The following NPHP3 variants were observed in gnomAD, a reference collection of about 807,000 sequenced individuals.
NPHP3 encodes the protein nephrocystin-3.
Under a neutral mutation model 171.9 loss-of-function variants are expected in NPHP3, and 123 were observed. The observed-to-expected ratio is 0.72, with a 90% CI of 0.62 to 0.83. The LOEUF (loss-of-function observed/expected upper bound fraction) is 0.83. Among genes scored for constraint, NPHP3 ranks in the 40% least tolerant of loss-of-function variants. NPHP3 has a pLI of 0.00. For missense variants in NPHP3, 1,506 were observed against 1,591.9 expected, an observed-to-expected ratio of 0.95 and a Z score of 0.92; for synonymous variants, 558 against 579.2, an observed-to-expected ratio of 0.96 and a Z score of 0.52.
chr3:132,685,473 A>G (rs1360039840), intron 23 of NPHP3: 1 of 152,200 alleles, frequency 6.6e-6, no homozygotes, highest in Non-Finnish European at 1.5e-5. Flanking sequence ...AAGTTTCTGT[A>G]AGTGGGCTAC....
chr3:132,721,966 C>A lies in NPHP3; in HGVS notation c.390G>T (p.Leu130=). The A allele has an allele frequency of 6.2e-7, 1 of 1,612,616 alleles. No individual in the cohort carries two copies. ...DTENKRLRAE[L]QALQKTYQKI... is the part of the protein sequence containing the mutation. ...TCGCGGCCCAGCCCGGCGTTACCTG[C>A]AGTTCGGCCCGCAGCCGCTTGTTCT... is the stretch of plus-strand genomic sequence containing the variant. Residue 130 remains leucine (L), a synonymous_variant, in exon 1 of 27, where the codon CTG becomes CTT. Transcript: ENST00000337331.
chr3:132,687,145 C>T lies in NPHP3; in HGVS notation c.3201+6G>A. On this transcript the variant is annotated splice_donor_region_variant and intron_variant, in intron 22 of 26. Transcript: ENST00000337331. ...AAAACACAACACAAAAGAAATCTCTCCTTACCAAGTTGCCTTTTTTCTTTA... is the reference window on the plus strand; with the variant it reads ...AAAACACAACACAAAAGAAATCTCTTCTTACCAAGTTGCCTTTTTTCTTTA... The T allele has an allele frequency of 7.3e-7, 1 of 1,374,640 alleles. No homozygotes were observed. The highest frequency in any genetic ancestry group is 1.7e-5 in the Admixed American group (1 of 59,350). 85.2% of individuals were successfully genotyped at this position (1,374,640 alleles called of 1,614,324 possible). A position where few individuals can be genotyped will look rare whatever the true frequency, so the allele number is the denominator to read the frequency against.
chr3:132,706,436 T>C (rs1209187242), intron 7 of NPHP3, among the ~76,000 whole-genome samples: 1 of 151,918 alleles, frequency 6.6e-6, no homozygotes. Flanking sequence ...TTTTCTCTTA[T>C]GTATTTCCAT....
chr3:132,716,912 G>A lies in NPHP3; in HGVS notation c.671-3C>T. 6.2e-7 allele frequency: 1 copy of A among 1,613,494 alleles called. No homozygotes were observed. The highest frequency in any genetic ancestry group is 8.5e-7 in the Non-Finnish European group (1 of 1,180,006). ...ATATTCACATTGGGTTCCAGCAGCT[G>A]TTCAGCAAGAGATTTTTATCTTGTG... On this transcript the variant is annotated splice_polypyrimidine_tract_variant and splice_region_variant and intron_variant, in intron 3 of 26. Transcript: ENST00000337331.
Position 132,687,159 on chromosome 3 carries a change from C to T in NPHP3, c.3193G>A (p.Gly1065Ser). 1 of 1,460,288 alleles carries T rather than the reference C, an allele frequency of 6.8e-7. No individual in the cohort carries two copies. The highest frequency in any genetic ancestry group is 2.3e-5 in the East Asian group (1 of 43,906). The allele number at this position is 1,460,288 out of a possible 1,614,324, so 90.5% of individuals were successfully genotyped here. A position where few individuals can be genotyped will look rare whatever the true frequency, so the allele number is the denominator to read the frequency against. ...KIHQKAIKKK[G>S]NLYGFALLRR... ...AAGAAATCTCTCCTTACCAAGTTGC[C>T]TTTTTTCTTTATAGCTTTCTGATGA... The change falls in exon 22 of 27, where the codon GGC becomes AGC. Residue 1065 changes from glycine to serine, a missense_variant. Transcript: ENST00000337331.
chr3:132,682,642 T>A, intron 26 of NPHP3, 61 bp downstream of exon 26: 1 of 1,011,364 alleles, frequency 9.9e-7, no homozygotes, highest in Non-Finnish European at 1.6e-6. Flanking sequence ...TTTGTGCTAT[T>A]CTAAGACAAA....
Position 132,682,490 on chromosome 3 carries a change from C to T in NPHP3, c.3812+213G>A, listed in dbSNP as rs988506534. 5 of 586,694 alleles carry T rather than the reference C, an allele frequency of 8.5e-6. No individual in the cohort carries two copies. In the Admixed American group the frequency reaches 1.5e-4, roughly 18 times the overall value. The allele number at this position is 586,694 out of a possible 1,614,324, so 36.3% of individuals were successfully genotyped here. A position where few individuals can be genotyped will look rare whatever the true frequency, so the allele number is the denominator to read the frequency against. ...GTATAAACCATCCTTCACTGTTTGC[C>T]ATGATGCATACATATGCTCCTCTGC... On this transcript the variant is annotated intron_variant, in intron 26 of 26. Coordinates refer to ENST00000337331, the MANE Select transcript of NPHP3 (RefSeq NM_153240.5).
chr3:132,705,318 T>C (rs1310351610), intron 8 of NPHP3, among the ~76,000 whole-genome samples: 1 of 152,138 alleles, frequency 6.6e-6, no homozygotes, highest in East Asian at 1.9e-4. Flanking sequence ...CTGGTCCATG[T>C]TCTCACCCCC....
At chr3:132,705,884 T>C in intron 7 of NPHP3, 70 bp from the exon 8 acceptor site, 1 of 800,076 alleles carries the variant, frequency 1.2e-6, no homozygotes, top group South Asian at 1.4e-5. Flanking sequence ...TAAATACTTT[T>C]ATACTGCTTA....
chr3:132,712,750 A>G (rs1939948023), intron 6 of NPHP3, among the ~76,000 whole-genome samples: 1 of 151,898 alleles, frequency 6.6e-6, no homozygotes, highest in Non-Finnish European at 1.5e-5. Context: ...TGGACGACAG[A>G]GCAAGACTCT....
chr3:132,716,620 A>G (rs951655990), intron 4 of NPHP3, 137 bp downstream of exon 4: 6 of 925,280 alleles, frequency 6.5e-6, no homozygotes, highest in Non-Finnish European at 1.0e-5. Flanking sequence ...GCCCCACTGT[A>G]TGATGGTTTG....
At chr3:132,717,552 T>C (rs1940086662) in intron 3 of NPHP3, among the ~76,000 whole-genome samples, 2 of 152,132 alleles carry the variant, frequency 1.3e-5, no homozygotes, top group Admixed American at 1.3e-4. Context: ...ATGGGTGACA[T>C]TCCCCCTCAA....
chr3:132,706,670 A>T (rs1186612182), intron 7 of NPHP3, among the ~76,000 whole-genome samples: 1 of 152,224 alleles, frequency 6.6e-6, no homozygotes, highest in Non-Finnish European at 1.5e-5. Flanking sequence ...GTGAACAAGC[A>T]TGGAGATTTA....
chr3:132,721,708 G>C, intron 1 of NPHP3: 1 of 674,194 alleles, frequency 1.5e-6, no homozygotes, highest in Non-Finnish European at 2.7e-6. Flanking sequence ...AGGCCGAGGC[G>C]GGAGGATCAT....
Position 132,716,804 on chromosome 3 carries a change from G to A in NPHP3, c.776C>T (p.Ala259Val). 1 of 1,614,124 alleles carries A rather than the reference G, an allele frequency of 6.2e-7. No homozygotes were observed. Among genetic ancestry groups the A allele is most frequent in the South Asian group, 1.1e-5 (1 of 91,080 alleles). ...LQQSFRGPEF[A>V]HSSIDVEGPF... ...TCCTTCCACATCTATAGAACTATGG[G>A]CAAACTCAGGGCCTCTGAAGGACTG... is the stretch of plus-strand genomic sequence containing the variant. Residue 259 changes from alanine to valine, a missense_variant, in exon 4 of 27, where the codon GCC becomes GTC. Ala to Val is a moderately conservative substitution (Grantham distance 64). Around this residue, in one of 3 missense-constraint regions of NPHP3, gnomAD observed 930 missense variants for 924.9 expected, o/e 1.01. Coordinates refer to ENST00000337331, the MANE Select transcript of NPHP3 (RefSeq NM_153240.5).
chr3:132,682,969 G>C lies in NPHP3; in HGVS notation c.3697-151C>G, dbSNP rs73220112. 0.054 allele frequency: 35,425 copies of C among 652,806 alleles called. 1,079 individuals are homozygous for C. Among genetic ancestry groups the C allele is most frequent in the Non-Finnish European group, 0.062 (22,508 of 364,208 alleles). The allele number at this position is 652,806 out of a possible 1,614,324, so 40.4% of individuals were successfully genotyped here. ...CAGATTAACTTATGAATAATCATAG[G>C]AGAAGCAGTATAATAGAAAGTCAGA... On this transcript the variant is annotated intron_variant, in intron 25 of 26. Transcript: ENST00000337331.
chr3:132,695,522 T>A (rs937051131), intron 15 of NPHP3, among the ~76,000 whole-genome samples: 2 of 152,212 alleles, frequency 1.3e-5, no homozygotes, highest in Non-Finnish European at 2.9e-5. Context: ...ATACTTTCAA[T>A]GAACATTATT....
At position 132,704,242 on chromosome 3, in the gene NPHP3, A is replaced by G. The variant is rs1381151073; in HGVS notation, c.1480T>C (p.Phe494Leu). The G allele has an allele frequency of 6.2e-7, 1 of 1,614,074 alleles. No individual in the cohort carries two copies. The highest frequency in any genetic ancestry group is 8.5e-7 in the Non-Finnish European group (1 of 1,180,044). Residue 494 changes from phenylalanine (F) to leucine (L), a missense_variant, in exon 9 of 27, where the codon TTT (phenylalanine) becomes CTT (leucine). By Grantham distance (22) the Phe-to-Leu change is conservative. Transcript: ENST00000337331. ...TGGGCTGAATTAGAAGCCTGCTGAA[A>G]AGTTTCCATTTGCTCTTGTTCATCA... ...IHDEQEQMET[F>L]QQASNSAHEL...
chr3:132,682,628 A>G, intron 26 of NPHP3, 75 bp downstream of exon 26: 1 of 889,152 alleles, frequency 1.1e-6, no homozygotes, highest in Non-Finnish European at 1.9e-6. Context: ...TCAGTAATAC[A>G]TATTTTGTGC....
Sources: allele counts gnomAD v4.1 joint callset (sites outside exome capture counted in the v4.1 genomes callset), GRCh38; gene constraint gnomAD v4.1.1; regional missense constraint gnomAD v4.1.1; transcripts MANE v1.5; gene names NCBI Gene and HGNC (gene_info 2026-07-23, HGNC 2026-07-21).